The following EVC variants were observed in gnomAD, a reference collection of about 807,000 sequenced individuals.
EVC encodes evC complex member EVC.
In EVC, 116 loss-of-function variants were observed where a neutral mutation model predicts 118.9. The ratio of observed to expected loss-of-function variants is 0.98; its 90% confidence interval spans 0.84 to 1.14. The LOEUF (loss-of-function observed/expected upper bound fraction) is 1.14, where lower values mean the gene tolerates loss of function less well. Ranked by LOEUF, EVC falls within the 50% of genes most tolerant of loss-of-function variation. EVC has a pLI of 0.00. For synonymous variants in EVC, 619 were observed against 534.7 expected (o/e 1.16, Z -2.18); for missense variants, 1,401 against 1,246.4 (o/e 1.12, Z -1.87).
intron 12 of EVC, 26 bp from the exon 13 acceptor site, chr4:5,793,582 G>GCTCTGTCC: frequency 6.5e-7 from 1 of 1,536,534 alleles, no homozygotes; most frequent in Non-Finnish European, 8.8e-7. Flanking sequence ...CCACATGCCT[G>GCTCTGTCC]CTCTGTCCCT....
intron 2 of EVC, among the ~76,000 whole-genome samples, chr4:5,728,433 G>T (rs1181534345): frequency 6.6e-6 from 1 of 151,734 alleles, no homozygotes; most frequent in African/African-American, 2.4e-5. Flanking sequence ...TGTATCCTGA[G>T]ACTTTGCTGA....
chr4:5,801,386 C>T (rs902194144), intron 15 of EVC, among the ~76,000 whole-genome samples: 2 of 152,066 alleles, frequency 1.3e-5, no homozygotes, highest in African/African-American at 2.4e-5. Flanking sequence ...TGTTTAGAAA[C>T]GGAAGGCCTC....
At chr4:5,822,497 G>C in the EVC span, among the ~76,000 whole-genome samples, 11,430 of 120,680 alleles carry the variant, frequency 0.095, 504 homozygotes, top group South Asian at 0.17. Flanking sequence ...ATCTGAAGGG[G>C]GGGGGGGTGG....
chr4:5,808,183 C>T lies in EVC; in HGVS notation c.2562-18C>T. 1 of 1,566,258 alleles carries T rather than the reference C, an allele frequency of 6.4e-7. No homozygotes were observed. Among genetic ancestry groups the T allele is most frequent in the Non-Finnish European group, 8.7e-7 (1 of 1,150,826 alleles). ...CCTTCCTTCCTCCCTGCCAGCCTGCCTGCCTTCCTCCCCCCAGGATGCTGT... is the reference window on the plus strand; with the variant it reads ...CCTTCCTTCCTCCCTGCCAGCCTGCTTGCCTTCCTCCCCCCAGGATGCTGT... On this transcript the variant is annotated intron_variant, in intron 17 of 20. Coordinates refer to ENST00000264956, the MANE Select transcript of EVC (RefSeq NM_153717.3).
At chr4:5,745,756 C>G (rs1200974076) in intron 7 of EVC, among the ~76,000 whole-genome samples, 8 of 152,318 alleles carry the variant, frequency 5.3e-5, no homozygotes, top group African/African-American at 1.9e-4. Flanking sequence ...TTCCACCACC[C>G]CCTGTTCATA....
downstream of EVC, among the ~76,000 whole-genome samples, chr4:5,818,888 G>A (rs1718068073): frequency 3.3e-5 from 5 of 152,238 alleles, no homozygotes; most frequent in South Asian, 1.0e-3. Flanking sequence ...AACAGAAGTG[G>A]GGTCCACAGA....
chr4:5,821,939 T>C, the EVC span: 199 of 1,182,190 alleles, frequency 1.7e-4, no homozygotes, highest in Non-Finnish European at 2.2e-4. The surrounding 1 kb of genome is among the most constrained non-coding windows in gnomAD (Gnocchi z 4.4). Flanking sequence ...TGCCATGCAC[T>C]CCACTGGACC....
chr4:5,731,675 T>G lies in EVC; in HGVS notation c.617+18T>G, dbSNP rs761085140. Reference sequence around the variant, plus strand: ...TGCGAGAGGTAAGGAGAGCGGGCAATGGAGGATGAGGCTTCCAGTCCTCTT... The same window carrying G: ...TGCGAGAGGTAAGGAGAGCGGGCAAGGGAGGATGAGGCTTCCAGTCCTCTT... On this transcript the variant is annotated intron_variant, in intron 4 of 20. Coordinates refer to ENST00000264956, the MANE Select transcript of EVC (RefSeq NM_153717.3). The surrounding 1 kb of genome is among the most constrained non-coding windows in gnomAD (Gnocchi z 5.6). The G allele has an allele frequency of 7.5e-6, 12 of 1,607,070 alleles. No individual in the cohort carries two copies. Among genetic ancestry groups the G allele is most frequent in the Middle Eastern group, 1.7e-4 (1 of 6,054 alleles).
At chr4:5,808,388 G>C in intron 18 of EVC, 61 bp downstream of exon 18, 24 of 1,611,572 alleles carry the variant, frequency 1.5e-5, no homozygotes, top group Non-Finnish European at 2.0e-5. Context: ...AGAAATAGCT[G>C]AAGCCAGCCT....
At chr4:5,729,787 A>G (rs1208758263) in intron 3 of EVC, among the ~76,000 whole-genome samples, 1 of 152,202 alleles carries the variant, frequency 6.6e-6, no homozygotes, top group Non-Finnish European at 1.5e-5. Context: ...AGTATTTGTC[A>G]TGCATCAGGC....
chr4:5,794,349 A>G (rs1163040873), intron 13 of EVC, among the ~76,000 whole-genome samples: 2 of 136,502 alleles, frequency 1.5e-5, no homozygotes, highest in East Asian at 4.0e-4. Context: ...ATACTTATAT[A>G]TATATTTATG....
At position 5,714,831 on chromosome 4, in the gene EVC, G is replaced by T. The variant is rs538967138; in HGVS notation, c.174+3277G>T. On this transcript the variant is annotated intron_variant, in intron 1 of 20. Coordinates refer to ENST00000264956, the MANE Select transcript of EVC (RefSeq NM_153717.3). ...TGTTTTTTGTTTTGTTTGAGATAGG[G>T]TCTCACTTGATTGCCCAGGCTGGAG... 2.0e-5 allele frequency among the ~76,000 whole-genome samples: 3 copies of T among 151,990 alleles called. No individual in the cohort carries two copies. In the South Asian group the frequency reaches 6.2e-4, roughly 32 times the overall value.
intron 8 of EVC, among the ~76,000 whole-genome samples, chr4:5,750,672 G>C (rs1479715142): frequency 6.6e-6 from 1 of 152,158 alleles, no homozygotes. Context: ...TTAAAGACTT[G>C]GCAGTATGTA....
At chr4:5,819,281 A>G (rs144237268), downstream of EVC, among the ~76,000 whole-genome samples, 4 of 152,302 alleles carry the variant, frequency 2.6e-5, no homozygotes, top group East Asian at 1.9e-4. Context: ...GCCTGTGAGT[A>G]TGTTATGTCA....
chr4:5,817,215 G>T (rs919396298), downstream of EVC, among the ~76,000 whole-genome samples: 2 of 152,212 alleles, frequency 1.3e-5, no homozygotes, highest in Non-Finnish European at 2.9e-5. Flanking sequence ...CAAATACAGT[G>T]GCCTGGATGG....
chr4:5,799,094 C>T (rs1369483120), intron 15 of EVC, among the ~76,000 whole-genome samples: 1 of 152,132 alleles, frequency 6.6e-6, no homozygotes, highest in Non-Finnish European at 1.5e-5. Context: ...CACCCAGAGC[C>T]ACACAGCTGG....
intron 11 of EVC, among the ~76,000 whole-genome samples, chr4:5,777,303 T>G (rs545001118): frequency 6.6e-6 from 1 of 152,138 alleles, no homozygotes; most frequent in African/African-American, 2.4e-5. Context: ...ATAACGAGTC[T>G]GGACTGGTTC....
At chr4:5,792,242 C>T (rs1413658909) in intron 12 of EVC, among the ~76,000 whole-genome samples, 1 of 152,160 alleles carries the variant, frequency 6.6e-6, no homozygotes, top group Non-Finnish European at 1.5e-5. Flanking sequence ...AAACACATTT[C>T]CTAATCTAGC....
chr4:5,735,891 C>CT (rs1727591279), intron 5 of EVC, among the ~76,000 whole-genome samples: 2 of 152,160 alleles, frequency 1.3e-5, no homozygotes, highest in Admixed American at 1.3e-4. Context: ...GAGCATAACT[C>CT]TATCGTCGTG....
Sources: gnomAD v4.1 joint callset for allele counts (sites outside exome capture counted in the v4.1 genomes callset) on GRCh38, gnomAD v4.1.1 for gene constraint, Gnocchi (gnomAD v3.1) non-coding constraint, MANE v1.5 for transcripts, NCBI Gene and HGNC (gene_info 2026-07-23, HGNC 2026-07-21) for gene names.